Variants in FHIT observed in about 807,000 individuals in gnomAD.
FHIT encodes the protein bis(5'-adenosyl)-triphosphatase.
In FHIT, 19 loss-of-function variants were observed where a neutral mutation model predicts 17.9. That is an observed-to-expected ratio of 1.06 (90% CI 0.74 to 1.56). The LOEUF (loss-of-function observed/expected upper bound fraction) is 1.56. Ranked by LOEUF, FHIT falls within the 40% of genes most tolerant of loss-of-function variation. The probability of loss-of-function intolerance (pLI) is 0.00; values close to 1 mark genes in which losing one functional copy is unlikely to be tolerated. For missense variants in FHIT, 248 were observed against 189.2 expected (o/e 1.31, Z -1.82); for synonymous variants, 81 against 69.7 (o/e 1.16, Z -0.81).
intron 5 of FHIT, among the ~76,000 whole-genome samples, chr3:60,399,326 G>A (rs114267487): frequency 2.2e-3 from 333 of 152,268 alleles, no homozygotes; most frequent in Non-Finnish European, 3.7e-3. Context: ...CAGGATAGAA[G>A]AAGTAGTATC....
chr3:60,968,921 C>G (rs1470484619), intron 3 of FHIT, among the ~76,000 whole-genome samples: 1 of 152,036 alleles, frequency 6.6e-6, no homozygotes, highest in Non-Finnish European at 1.5e-5. Flanking sequence ...ACAAACCCAA[C>G]TTGATAATGA....
chr3:60,190,705 G>A (rs1702363255), intron 5 of FHIT, among the ~76,000 whole-genome samples: 1 of 151,966 alleles, frequency 6.6e-6, no homozygotes. Context: ...CATGGCACAT[G>A]TATACATATG....
At chr3:60,546,305 T>C (rs1320331466) in intron 4 of FHIT, among the ~76,000 whole-genome samples, 5 of 152,196 alleles carry the variant, frequency 3.3e-5, no homozygotes, top group African/African-American at 7.2e-5. Context: ...GTATGAAAAT[T>C]ACACATTCTA....
intron 5 of FHIT, among the ~76,000 whole-genome samples, chr3:60,275,709 A>C (rs1707097640): frequency 6.6e-6 from 1 of 152,186 alleles, no homozygotes; most frequent in Non-Finnish European, 1.5e-5. Context: ...CTTAGGAAAG[A>C]AGATTTTGTT....
At chr3:60,400,745 C>G (rs1306027498) in intron 5 of FHIT, among the ~76,000 whole-genome samples, 1 of 152,044 alleles carries the variant, frequency 6.6e-6, no homozygotes, top group Non-Finnish European at 1.5e-5. Context: ...ATTAGAGAAG[C>G]TGAAAAGACT....
chr3:59,886,781 A>G (rs1703642242), intron 8 of FHIT, among the ~76,000 whole-genome samples: 1 of 152,204 alleles, frequency 6.6e-6, no homozygotes, highest in African/African-American at 2.4e-5. Flanking sequence ...GGGCACAAAC[A>G]TCCAAACCAC....
chr3:59,901,324 T>A (rs1325412339), intron 8 of FHIT, among the ~76,000 whole-genome samples: 1 of 152,238 alleles, frequency 6.6e-6, no homozygotes, highest in Non-Finnish European at 1.5e-5. Flanking sequence ...TAATCTGAAC[T>A]TGAATTGCTT....
chr3:61,206,981 G>C (rs1301925916), intron 1 of FHIT, among the ~76,000 whole-genome samples: 1 of 152,156 alleles, frequency 6.6e-6, no homozygotes, highest in East Asian at 1.9e-4. Flanking sequence ...TTATTATTTT[G>C]AGATATGACC....
chr3:60,236,777 T>C (rs35332698), intron 5 of FHIT, among the ~76,000 whole-genome samples: 28,137 of 152,044 alleles, frequency 0.19, 2,666 homozygotes, highest in East Asian at 0.29. Flanking sequence ...TAGAAAAATA[T>C]AAAAACTCCC....
intron 3 of FHIT, among the ~76,000 whole-genome samples, chr3:60,972,558 CT>C (rs35873241): frequency 1.5e-3 from 214 of 142,824 alleles, no homozygotes; most frequent in South Asian, 3.9e-3. Flanking sequence ...TTTTATTTGG[CT>C]TTTTTTTTTT....
At chr3:60,206,694 T>C (rs1387531579) in intron 5 of FHIT, among the ~76,000 whole-genome samples, 1 of 152,184 alleles carries the variant, frequency 6.6e-6, no homozygotes, top group Non-Finnish European at 1.5e-5. Flanking sequence ...CATTAAATTA[T>C]CCTGTTTAAA....
intron 8 of FHIT, among the ~76,000 whole-genome samples, chr3:59,760,915 G>A (rs1266948866): frequency 1.3e-5 from 2 of 151,920 alleles, no homozygotes; most frequent in African/African-American, 4.8e-5. Flanking sequence ...CCAGGCTTAA[G>A]TGATCCAGCC....
intron 4 of FHIT, among the ~76,000 whole-genome samples, chr3:60,710,561 T>G (rs555617664): frequency 6.6e-6 from 1 of 152,224 alleles, no homozygotes; most frequent in Non-Finnish European, 1.5e-5. Flanking sequence ...ATCGGGCCCC[T>G]CCCACCTGAA....
chr3:60,314,486 G>A (rs1375499932), intron 5 of FHIT, among the ~76,000 whole-genome samples: 1 of 152,068 alleles, frequency 6.6e-6, no homozygotes, highest in African/African-American at 2.4e-5. Flanking sequence ...CACCTCAAAA[G>A]GAAACTGAGA....
At chr3:60,055,709 T>C (rs1220035490) in intron 5 of FHIT, among the ~76,000 whole-genome samples, 1 of 152,188 alleles carries the variant, frequency 6.6e-6, no homozygotes, top group Non-Finnish European at 1.5e-5. Context: ...GCCAGATTTT[T>C]CACCATTTTA....
intron 7 of FHIT, among the ~76,000 whole-genome samples, chr3:59,952,260 G>T (rs1447362291): frequency 6.6e-6 from 1 of 152,038 alleles, no homozygotes; most frequent in African/African-American, 2.4e-5. Flanking sequence ...TGAACAACCT[G>T]CCGAGTTTGT....
chr3:60,204,447 T>TG (rs1173660843), intron 5 of FHIT, among the ~76,000 whole-genome samples: 91 of 105,098 alleles, frequency 8.7e-4, no homozygotes, highest in African/African-American at 3.6e-3. Context: ...TATTCTGGTT[T>TG]TTTTTTTTTT....
chr3:60,331,744 G>A (rs1379767935), intron 5 of FHIT, among the ~76,000 whole-genome samples: 1 of 152,012 alleles, frequency 6.6e-6, no homozygotes, highest in African/African-American at 2.4e-5. Flanking sequence ...TACTTGGGAG[G>A]CTGAGGTAGG....
chr3:61,189,382 G>A (rs959831706), intron 2 of FHIT, among the ~76,000 whole-genome samples: 1 of 152,026 alleles, frequency 6.6e-6, no homozygotes, highest in African/African-American at 2.4e-5. Context: ...ACAAGAGATG[G>A]GAAGGACCTC....
Sources: gnomAD v4.1 joint callset for allele counts (sites outside exome capture counted in the v4.1 genomes callset) on GRCh38, gnomAD v4.1.1 for gene constraint, MANE v1.5 for transcripts, NCBI Gene and HGNC (gene_info 2026-07-23, HGNC 2026-07-21) for gene names.